The following IFT43 variants were observed in gnomAD, a reference collection of about 807,000 sequenced individuals.
The protein encoded by IFT43 is intraflagellar transport protein 43 homolog.
IFT43 carries 33 observed loss-of-function variants against 32.3 expected under a neutral mutation model. That is an observed-to-expected ratio of 1.02 (90% CI 0.77 to 1.37). IFT43 has a LOEUF of 1.37. Ranked by LOEUF, IFT43 falls within the 40% of genes most tolerant of loss-of-function variation. The pLI, the probability that IFT43 is intolerant of heterozygous loss-of-function variation, is 0.00. For missense variants in IFT43, 274 were observed against 265.9 expected (o/e 1.03, Z -0.21); for synonymous variants, 93 against 98.2 (o/e 0.95, Z 0.31).
intron 2 of IFT43, among the ~76,000 whole-genome samples, chr14:75,999,155 C>T (rs1022105412): frequency 1.7e-4 from 18 of 108,638 alleles, no homozygotes; most frequent in Admixed American, 1.6e-3. Context: ...AACTCCAACC[C>T]CCATACTCCA....
chr14:76,035,437 C>T (rs963623895), intron 3 of IFT43, among the ~76,000 whole-genome samples: 2 of 152,100 alleles, frequency 1.3e-5, no homozygotes, highest in African/African-American at 2.4e-5. Flanking sequence ...ATCCCCCTTC[C>T]CTCCTCCTTC....
At chr14:76,081,566 TTC>T (rs2037510819) in intron 5 of IFT43, among the ~76,000 whole-genome samples, 1 of 152,230 alleles carries the variant, frequency 6.6e-6, no homozygotes, top group Non-Finnish European at 1.5e-5. Context: ...GGTTTCCCAG[TTC>T]TCTGTTTGCA....
At chr14:76,080,726 C>T (rs1264774477) in intron 5 of IFT43, among the ~76,000 whole-genome samples, 2 of 152,120 alleles carry the variant, frequency 1.3e-5, no homozygotes, top group African/African-American at 4.8e-5. Flanking sequence ...TTCTCAGCAG[C>T]CTGCACAATG....
chr14:75,994,161 G>T (rs8007465), intron 2 of IFT43, among the ~76,000 whole-genome samples: 3,099 of 150,834 alleles, frequency 0.021, 103 homozygotes, highest in African/African-American at 0.067. Context: ...TAAAAAAAAT[G>T]TACATTCTTC....
intron 2 of IFT43, among the ~76,000 whole-genome samples, chr14:76,007,695 A>G (rs2036005676): frequency 6.6e-6 from 1 of 152,232 alleles, no homozygotes; most frequent in Non-Finnish European, 1.5e-5. Context: ...AGTTAAGAGA[A>G]TGACAGAAAT....
intron 2 of IFT43, among the ~76,000 whole-genome samples, chr14:76,011,399 G>A (rs532451235): frequency 2.0e-5 from 3 of 152,194 alleles, no homozygotes; most frequent in Admixed American, 6.5e-5. Context: ...AATGGTTTAG[G>A]CAGGAAGTTT....
intron 2 of IFT43, among the ~76,000 whole-genome samples, chr14:76,019,317 G>A (rs1343733910): frequency 6.6e-6 from 1 of 151,748 alleles, no homozygotes; most frequent in African/African-American, 2.4e-5. Context: ...TATCTGGGAA[G>A]GACTTTATTT....
At chr14:75,986,298 C>T (rs751574026) in intron 1 of IFT43, 2 of 1,255,492 alleles carry the variant, frequency 1.6e-6, no homozygotes, top group Non-Finnish European at 2.1e-6. Context: ...CAGGGACGGC[C>T]TTTCTTCCCG....
At chr14:76,002,770 T>C (rs2035913155) in intron 2 of IFT43, among the ~76,000 whole-genome samples, 2 of 152,170 alleles carry the variant, frequency 1.3e-5, no homozygotes, top group East Asian at 3.8e-4. Flanking sequence ...AGAATAATGG[T>C]CTAGAGGAAC....
At chr14:76,000,535 G>A (rs1254175557) in intron 2 of IFT43, among the ~76,000 whole-genome samples, 2 of 151,994 alleles carry the variant, frequency 1.3e-5, no homozygotes, top group Non-Finnish European at 2.9e-5. Flanking sequence ...GCCTCCCAAA[G>A]TGCTGGGATT....
chr14:76,069,377 G>A (rs2140074531), intron 5 of IFT43, among the ~76,000 whole-genome samples: 1 of 152,196 alleles, frequency 6.6e-6, no homozygotes, highest in South Asian at 2.1e-4. Context: ...AGAAAAGGGG[G>A]GTATGAAGTC....
chr14:76,027,079 T>C lies in IFT43; in HGVS notation c.215+4685T>C, dbSNP rs553683991. 2.6e-5 allele frequency among the ~76,000 whole-genome samples: 4 copies of C among 151,566 alleles called. No homozygotes were observed. In the South Asian group the frequency reaches 6.2e-4, roughly 24 times the overall value. On this transcript the variant is annotated intron_variant, in intron 3 of 8. Transcript: ENST00000314067. ...GAGAACAACACACATTGGGGCCTTT[T>C]GAAAGGTGGAGGGTGGGAGGTCGGA...
intron 2 of IFT43, among the ~76,000 whole-genome samples, chr14:75,998,243 A>G (rs750143952): frequency 1.3e-5 from 2 of 152,124 alleles, no homozygotes; most frequent in Non-Finnish European, 2.9e-5. Flanking sequence ...GTCCTCAGTA[A>G]GTGTTGGTTA....
intron 2 of IFT43, chr14:76,013,906 C>A: frequency 4.3e-6 from 1 of 233,766 alleles, no homozygotes; most frequent in Admixed American, 5.2e-5. Context: ...AAAGATTTAT[C>A]ACCCAAACAA....
chr14:76,012,891 A>G (rs370093810), intron 2 of IFT43, among the ~76,000 whole-genome samples: 69 of 152,360 alleles, frequency 4.5e-4, no homozygotes, highest in African/African-American at 1.6e-3. Context: ...TTTAAAGAAT[A>G]AACCAGGACT....
At chr14:76,032,608 T>G (rs1566716983) in intron 3 of IFT43, among the ~76,000 whole-genome samples, 1 of 152,196 alleles carries the variant, frequency 6.6e-6, no homozygotes, top group Non-Finnish European at 1.5e-5. Flanking sequence ...GGAGACACAC[T>G]CTCTTATTTA....
intron 3 of IFT43, among the ~76,000 whole-genome samples, chr14:76,051,132 C>T (rs921246957): frequency 6.6e-6 from 1 of 150,458 alleles, no homozygotes; most frequent in Non-Finnish European, 1.5e-5. Flanking sequence ...TATGATCTAG[C>T]GTGACCTAAA....
At chr14:76,012,657 G>A (rs973735367) in intron 2 of IFT43, among the ~76,000 whole-genome samples, 3 of 152,202 alleles carry the variant, frequency 2.0e-5, no homozygotes, top group East Asian at 1.9e-4. Flanking sequence ...TCCCACACTC[G>A]GAGACGTGAC....
At chr14:76,084,047 G>A (rs1276859980), downstream of IFT43, 19 of 450,184 alleles carry the variant, frequency 4.2e-5, no homozygotes, top group East Asian at 2.1e-4. Context: ...CAGCTGCAGC[G>A]GAGGGAGGAG....
Sources: allele counts gnomAD v4.1 joint callset (sites outside exome capture counted in the v4.1 genomes callset), GRCh38; gene constraint gnomAD v4.1.1; transcripts MANE v1.5; gene names NCBI Gene and HGNC (gene_info 2026-07-23, HGNC 2026-07-21).